The following ADPGK variants were observed in gnomAD, a reference collection of about 807,000 sequenced individuals.
ADPGK encodes ADP dependent glucokinase, also known as ADP-dependent glucokinase.
A neutral mutation model predicts 42.4 loss-of-function variants in ADPGK; 26 were observed. The ratio of observed to expected loss-of-function variants is 0.61; its 90% CI spans 0.45 to 0.85. The LOEUF (loss-of-function observed/expected upper bound fraction) is 0.85. Among genes scored for constraint, ADPGK ranks in the 40% least tolerant of loss-of-function variants. The pLI, the probability that ADPGK is intolerant of heterozygous loss-of-function variation, is 0.00. For missense variants in ADPGK, 571 were observed against 627.0 expected, an observed-to-expected ratio of 0.91 and a Z score of 0.95; for synonymous variants, 267 against 252.6, an observed-to-expected ratio of 1.06 and a Z score of -0.54.
intron 3 of ADPGK, among the ~76,000 whole-genome samples, chr15:72,764,899 C>G (rs1345850025): frequency 6.6e-6 from 1 of 151,706 alleles, no homozygotes; most frequent in Non-Finnish European, 1.5e-5. Flanking sequence ...TAAATCTACT[C>G]TGCCTGTGTT....
chr15:72,752,948 G>A (rs371140536), intron 6 of ADPGK, 53 bp from the exon 7 acceptor site: 1 of 1,515,524 alleles, frequency 6.6e-7, no homozygotes, highest in Non-Finnish European at 8.9e-7. Context: ...TGGCTCCTAA[G>A]ATGTCTTATG....
chr15:72,760,698 G>A (rs1207462514), intron 3 of ADPGK, among the ~76,000 whole-genome samples, 171 bp from the exon 4 acceptor site: 1 of 152,126 alleles, frequency 6.6e-6, no homozygotes, highest in African/African-American at 2.4e-5. Flanking sequence ...CAGAAGGCAT[G>A]TCACCAGGGC....
intron 5 of ADPGK, 109 bp downstream of exon 5, chr15:72,756,142 T>C (rs1448181532): frequency 1.5e-6 from 2 of 1,362,276 alleles, no homozygotes; most frequent in Non-Finnish European, 2.1e-6. Context: ...TGCCAAGATA[T>C]GTCCCTGGGA....
chr15:72,760,324 A>G (rs2066175750), intron 4 of ADPGK, 83 bp downstream of exon 4: 3 of 1,430,380 alleles, frequency 2.1e-6, no homozygotes, highest in Non-Finnish European at 1.9e-6. Context: ...TACAAAGATA[A>G]ATTTCCGGCA....
chr15:72,758,248 G>T (rs1480266996), intron 4 of ADPGK: 11 of 887,832 alleles, frequency 1.2e-5, no homozygotes, highest in Non-Finnish European at 1.9e-5. Context: ...TGCCTGTAAT[G>T]GTAGTTAGCG....
At chr15:72,763,318 A>ATTT (rs34099103) in intron 3 of ADPGK, among the ~76,000 whole-genome samples, 4 of 123,670 alleles carry the variant, frequency 3.2e-5, no homozygotes, top group African/African-American at 6.7e-5. Context: ...CACTCGGCTA[A>ATTT]TTTTTTTTTT....
intron 3 of ADPGK, among the ~76,000 whole-genome samples, chr15:72,763,908 T>A (rs1331074641): frequency 3.3e-5 from 5 of 152,226 alleles, no homozygotes; most frequent in Non-Finnish European, 7.3e-5. Flanking sequence ...ATGCTACTAT[T>A]ATAACTGTTT....
At chr15:72,774,782 G>A in intron 2 of ADPGK, 90 bp downstream of exon 2, 2 of 1,224,988 alleles carry the variant, frequency 1.6e-6, no homozygotes, top group Admixed American at 2.2e-5. Context: ...TCTTCAAACT[G>A]GAATGAAAAG....
Position 72,760,409 on chromosome 15 carries a change from G to C in ADPGK, c.641C>G (p.Ala214Gly). Residue 214 changes from alanine to glycine, a missense_variant and splice_region_variant, in exon 4 of 7, where the codon GCA becomes GGA. Physicochemically the swap from Ala to Gly is moderately conservative, Grantham distance 60 (BLOSUM62 0). This residue lies in a region of ADPGK where 434 missense variants were observed against 522.7 expected (regional missense o/e 0.83). Coordinates refer to ENST00000456471, the MANE Select transcript of ADPGK (RefSeq NM_001365225.1). ...CCATTACTTACTCATTTCCTTACCT[G>C]CTTGATACTCTAAAATGAGGTGGAA... ...DEFHLILEYQ[A>G]GEEWGQLKAP... The C allele has an allele frequency of 6.3e-7, 1 of 1,598,578 alleles. No homozygotes were observed.
intron 1 of ADPGK, among the ~76,000 whole-genome samples, chr15:72,782,508 G>C (rs573056676): frequency 3.6e-5 from 4 of 110,530 alleles, no homozygotes; most frequent in Admixed American, 1.4e-4. Context: ...CTAGGCGACA[G>C]AGAGAGAGAC....
intron 1 of ADPGK, among the ~76,000 whole-genome samples, chr15:72,778,278 G>A (rs1163029450): frequency 6.6e-6 from 1 of 152,060 alleles, no homozygotes. Context: ...ACTACATGCC[G>A]GATGCCAAAC....
At position 72,761,845 on chromosome 15, in the gene ADPGK, T is replaced by G. The variant is rs543512758; in HGVS notation, c.523-1318A>C. Among the ~76,000 whole-genome samples, 444 of 151,604 alleles carry G rather than the reference T, an allele frequency of 2.9e-3. 1 individual carries two copies. The highest frequency in any genetic ancestry group is 4.7e-3 in the Non-Finnish European group (319 of 67,858). ...TCCCGAGTAGCTGGGACTACAGGCA[T>G]AAGCCACACCACCTGGCTAATTTTT... On this transcript the variant is annotated intron_variant, in intron 3 of 6. Coordinates refer to ENST00000456471, the MANE Select transcript of ADPGK (RefSeq NM_001365225.1).
intron 4 of ADPGK, among the ~76,000 whole-genome samples, chr15:72,760,071 CTT>C (rs944610163): frequency 6.6e-6 from 1 of 152,180 alleles, no homozygotes; most frequent in African/African-American, 2.4e-5. Flanking sequence ...CTGCCTTTCT[CTT>C]GTCTTAGTCA....
chr15:72,761,700 A>ATTT (rs36022165), intron 3 of ADPGK, among the ~76,000 whole-genome samples: 1 of 142,932 alleles, frequency 7.0e-6, no homozygotes, highest in Non-Finnish European at 1.5e-5. Flanking sequence ...CTGCTTCATG[A>ATTT]TTTTTTTTTT....
chr15:72,758,227 G>T (rs550937021), intron 4 of ADPGK: 2 of 1,105,378 alleles, frequency 1.8e-6, no homozygotes, highest in Non-Finnish European at 1.4e-6. Context: ...AGATGCAAAT[G>T]GATCTAATTC....
At chr15:72,756,555 T>C in intron 4 of ADPGK, 108 bp from the exon 5 acceptor site, 1 of 1,261,114 alleles carries the variant, frequency 7.9e-7, no homozygotes, top group Non-Finnish European at 1.1e-6. Flanking sequence ...CCAAGCAGGC[T>C]GGTTTCTGGC....
intron 1 of ADPGK, among the ~76,000 whole-genome samples, chr15:72,780,438 G>A (rs1287898721): frequency 6.6e-6 from 1 of 152,078 alleles, no homozygotes. Context: ...TAGCTTATGG[G>A]GATTACAATT....
intron 6 of ADPGK, among the ~76,000 whole-genome samples, chr15:72,754,244 T>C (rs1166580370): frequency 1.3e-5 from 2 of 152,118 alleles, no homozygotes; most frequent in East Asian, 1.9e-4. Context: ...CAGGGCCAAC[T>C]GCAGGACTTA....
chr15:72,765,985 T>A (rs183393418), intron 3 of ADPGK, among the ~76,000 whole-genome samples: 5 of 152,306 alleles, frequency 3.3e-5, no homozygotes, highest in South Asian at 4.1e-4. Context: ...AGAAGTTTTT[T>A]AATTTTTCAT....
Sources: allele counts gnomAD v4.1 joint callset (sites outside exome capture counted in the v4.1 genomes callset), GRCh38; gene constraint gnomAD v4.1.1; regional missense constraint gnomAD v4.1.1; transcripts MANE v1.5; gene names NCBI Gene and HGNC (gene_info 2026-07-23, HGNC 2026-07-21).